The following IKZF2 variants were observed in gnomAD, a reference collection of about 807,000 sequenced individuals.
IKZF2 encodes the protein zinc finger protein Helios.
A neutral mutation model predicts 49.2 loss-of-function variants in IKZF2; 15 were observed. The ratio of observed to expected loss-of-function variants is 0.30; its 90% CI spans 0.20 to 0.47. IKZF2 has a LOEUF of 0.47. Among genes scored for constraint, IKZF2 ranks in the 20% least tolerant of loss-of-function variants. The pLI is 1.00. For synonymous variants in IKZF2, 227 were observed against 221.4 expected (o/e 1.03, Z -0.23); for missense variants, 567 against 664.6 (o/e 0.85, Z 1.61).
At chr2:213,139,271 G>A (rs2060787481) in intron 4 of IKZF2, among the ~76,000 whole-genome samples, 1 of 151,888 alleles carries the variant, frequency 6.6e-6, no homozygotes, top group Admixed American at 6.6e-5. Context: ...TATTTTGGTT[G>A]AACTAGGGAA....
At chr2:213,054,353 T>C (rs951974579) in intron 5 of IKZF2, among the ~76,000 whole-genome samples, 5 of 152,120 alleles carry the variant, frequency 3.3e-5, no homozygotes, top group African/African-American at 1.2e-4. Flanking sequence ...AGATAAACAA[T>C]TGATAAGAGT....
Position 213,151,439 on chromosome 2 carries a change from C to T in IKZF2, c.-146G>A, listed in dbSNP as rs991857976. The T allele has an allele frequency of 1.3e-5, 2 of 152,532 alleles. No homozygotes were observed. Among genetic ancestry groups the T allele is most frequent in the Admixed American group, 1.3e-4 (2 of 15,286 alleles). The allele number at this position is 152,532 out of a possible 1,614,324, so 9.4% of individuals were successfully genotyped here. A position where few individuals can be genotyped will look rare whatever the true frequency, so the allele number is the denominator to read the frequency against. On this transcript the variant is annotated 5_prime_UTR_variant, in exon 1 of 9. Coordinates refer to ENST00000434687, the MANE Select transcript of IKZF2 (RefSeq NM_001387220.1). ...TCAGCAGTGCATGCAGTAAAATAAT[C>T]CCATCACCCTTTTGTTTGTGTTTAC...
In IKZF2 at chr2:213,150,200, A is replaced by G. The variant is rs2061233460; in HGVS notation, c.-72T>C. On this transcript the variant is annotated 5_prime_UTR_variant, in exon 2 of 9. Transcript: ENST00000434687. ...CATCACCATTTCCAGCTCTGTCGGG[A>G]GATCTCAGCTTCTTCTAACCCCTCA... The G allele has an allele frequency of 3.8e-6, 5 of 1,302,884 alleles. No homozygotes were observed. Among genetic ancestry groups the G allele is most frequent in the Non-Finnish European group, 4.1e-6 (4 of 987,410 alleles). The allele number at this position is 1,302,884 out of a possible 1,614,324, so 80.7% of individuals were successfully genotyped here. A position where few individuals can be genotyped will look rare whatever the true frequency, so the allele number is the denominator to read the frequency against.
intron 4 of IKZF2, among the ~76,000 whole-genome samples, chr2:213,061,652 A>G (rs892038500): frequency 2.6e-5 from 4 of 151,534 alleles, no homozygotes; most frequent in African/African-American, 9.7e-5. Context: ...ATTCTCTTAA[A>G]AAATCATTAA....
chr2:213,116,563 T>C (rs2059881922), intron 4 of IKZF2, among the ~76,000 whole-genome samples: 1 of 152,094 alleles, frequency 6.6e-6, no homozygotes, highest in African/African-American at 2.4e-5. Context: ...AGTGGGATCT[T>C]GTCTGTACAA....
intron 4 of IKZF2, among the ~76,000 whole-genome samples, chr2:213,082,299 A>G (rs1299603135): frequency 6.6e-6 from 1 of 152,250 alleles, no homozygotes; most frequent in East Asian, 1.9e-4. Context: ...TACTCTCAAG[A>G]AGTTTACAGC....
chr2:213,100,235 T>C (rs1295508466), intron 4 of IKZF2, among the ~76,000 whole-genome samples: 1 of 152,106 alleles, frequency 6.6e-6, no homozygotes, highest in Non-Finnish European at 1.5e-5. Context: ...TTTATTACTC[T>C]ATCAAACTTT....
rs1345060032 is a variant in IKZF2 at position 213,007,938 on chromosome 2, G to A, written c.1003C>T (p.Pro335Ser). The A allele has an allele frequency of 6.2e-7, 1 of 1,613,390 alleles. No homozygotes were observed. Among genetic ancestry groups the A allele is most frequent in the Non-Finnish European group, 8.5e-7 (1 of 1,179,726 alleles). ...ITYLGAEALH[P>S]LMQHPPSTIA... ...GTGCTTGGCGGGTGCTGCATCAGAG[G>A]GTGAAGGGCCTCAGCTCCAAGGTAG... is the stretch of plus-strand genomic sequence containing the variant. The change falls in exon 9 of 9, where the codon CCT becomes TCT. Residue 335 changes from proline (P) to serine (S), a missense_variant. Around this residue, in one of 5 missense-constraint regions of IKZF2, gnomAD observed 310 missense variants for 326.9 expected, o/e 0.95. Transcript: ENST00000434687.
chr2:213,013,911 C>T lies in IKZF2; in HGVS notation c.736G>A (p.Glu246Lys). ...HHVPPMEDCK[E>K]QEPIMDNNIS... ...TTGTTGTCCATAATAGGCTCTTGTT[C>T]CTTACAATCTTCCATAGGAGGTACT... The change falls in exon 8 of 9, where the codon GAA becomes AAA. Residue 246 changes from glutamate to lysine, a missense_variant. Physicochemically the swap from Glu to Lys is moderately conservative, Grantham distance 56. Around this residue, in one of 5 missense-constraint regions of IKZF2, gnomAD observed 310 missense variants for 326.9 expected, o/e 0.95. Transcript: ENST00000434687. The T allele has an allele frequency of 6.2e-7, 1 of 1,611,494 alleles. No homozygotes were observed. Among genetic ancestry groups the T allele is most frequent in the Non-Finnish European group, 8.5e-7 (1 of 1,178,110 alleles).
intron 4 of IKZF2, among the ~76,000 whole-genome samples, chr2:213,093,304 A>T (rs1379422615): frequency 6.6e-6 from 1 of 152,048 alleles, no homozygotes; most frequent in East Asian, 1.9e-4. Context: ...ATCATGAGCC[A>T]CTCCATCTCC....
intron 4 of IKZF2, among the ~76,000 whole-genome samples, chr2:213,109,166 T>C (rs1438078237): frequency 6.6e-6 from 1 of 152,134 alleles, no homozygotes; most frequent in African/African-American, 2.4e-5. Context: ...ATAATCACTT[T>C]GAGGAGACTT....
At chr2:213,043,863 G>T (rs1449170675) in intron 6 of IKZF2, among the ~76,000 whole-genome samples, 10 of 152,224 alleles carry the variant, frequency 6.6e-5, no homozygotes, top group Admixed American at 6.5e-4. Context: ...ACTGGTACTG[G>T]TCTGCAGCCA....
At chr2:213,027,718 C>G (rs939377728) in intron 6 of IKZF2, among the ~76,000 whole-genome samples, 2 of 152,074 alleles carry the variant, frequency 1.3e-5, no homozygotes, top group African/African-American at 4.8e-5. Context: ...CATTTTGAAG[C>G]CTTTTTTTCA....
chr2:213,071,436 C>T (rs1209845136), intron 4 of IKZF2, among the ~76,000 whole-genome samples: 1 of 152,094 alleles, frequency 6.6e-6, no homozygotes, highest in African/African-American at 2.4e-5. Context: ...TGGGCTTTTA[C>T]GCCCGGTTTC....
At chr2:213,013,718 T>G in intron 8 of IKZF2, 73 bp downstream of exon 8, 2 of 1,326,420 alleles carry the variant, frequency 1.5e-6, no homozygotes, top group Non-Finnish European at 2.1e-6. Flanking sequence ...CATATATATT[T>G]CTAATACATG....
At chr2:213,052,135 A>G (rs192284750) in intron 5 of IKZF2, among the ~76,000 whole-genome samples, 1 of 152,130 alleles carries the variant, frequency 6.6e-6, no homozygotes, top group Non-Finnish European at 1.5e-5. Flanking sequence ...TTTACAAAAT[A>G]CTCTAGATAT....
At chr2:213,082,670 C>T (rs912262392) in intron 4 of IKZF2, among the ~76,000 whole-genome samples, 36 of 152,134 alleles carry the variant, frequency 2.4e-4, no homozygotes, top group Admixed American at 1.7e-3. Flanking sequence ...TTTAGATCAT[C>T]GGAACTTGCC....
At chr2:213,126,126 T>C (rs2060251448) in intron 4 of IKZF2, among the ~76,000 whole-genome samples, 1 of 152,144 alleles carries the variant, frequency 6.6e-6, no homozygotes, top group South Asian at 2.1e-4. Context: ...CCCCACACTA[T>C]GTCAGAATTT....
At chr2:213,073,840 A>G (rs145186290) in intron 4 of IKZF2, among the ~76,000 whole-genome samples, 79 of 152,346 alleles carry the variant, frequency 5.2e-4, no homozygotes, top group South Asian at 2.7e-3. Flanking sequence ...AATGATGTGA[A>G]GAATTATCTC....
Sources: allele counts gnomAD v4.1 joint callset (sites outside exome capture counted in the v4.1 genomes callset), GRCh38; gene constraint gnomAD v4.1.1; regional missense constraint gnomAD v4.1.1; transcripts MANE v1.5; gene names NCBI Gene and HGNC (gene_info 2026-07-23, HGNC 2026-07-21).